The following IMPG1 variants were observed in gnomAD, a reference collection of about 807,000 sequenced individuals.
IMPG1 encodes interphotoreceptor matrix proteoglycan of 150 kDa.
Under a neutral mutation model 92.0 loss-of-function variants are expected in IMPG1, and 85 were observed. That is an observed-to-expected ratio of 0.92 (90% CI 0.78 to 1.11). IMPG1 has a LOEUF of 1.11. Among genes scored for constraint, IMPG1 ranks in the 50% least tolerant of loss-of-function variants. The pLI, the probability that IMPG1 is intolerant of heterozygous loss-of-function variation, is 0.00. For missense variants in IMPG1, 1,022 were observed against 956.0 expected (o/e 1.07, Z -0.91); for synonymous variants, 367 against 334.1 (o/e 1.10, Z -1.08).
At chr6:76,062,704 G>A (rs1165374026) in intron 1 of IMPG1, among the ~76,000 whole-genome samples, 1 of 152,052 alleles carries the variant, frequency 6.6e-6, no homozygotes, top group African/African-American at 2.4e-5. Flanking sequence ...TACACTCATG[G>A]TGGTTAATTG....
chr6:75,977,782 C>T (rs1782563866), intron 12 of IMPG1, among the ~76,000 whole-genome samples: 1 of 152,028 alleles, frequency 6.6e-6, no homozygotes. Flanking sequence ...CTTTTCTAAG[C>T]AGGAACTCTA....
intron 1 of IMPG1, among the ~76,000 whole-genome samples, chr6:76,049,078 C>T (rs1048097932): frequency 2.6e-5 from 4 of 152,136 alleles, no homozygotes; most frequent in Non-Finnish European, 5.9e-5. Flanking sequence ...GGCCATTATC[C>T]TTAGCAAAGC....
chr6:75,997,098 G>A (rs1356877692), intron 12 of IMPG1, among the ~76,000 whole-genome samples: 1 of 152,162 alleles, frequency 6.6e-6, no homozygotes, highest in Non-Finnish European at 1.5e-5. Flanking sequence ...AAAGAACTTT[G>A]ATTCACTTTT....
intron 4 of IMPG1, among the ~76,000 whole-genome samples, chr6:76,028,567 C>A (rs188350209): frequency 4.5e-4 from 68 of 152,338 alleles, no homozygotes; most frequent in Non-Finnish European, 8.8e-4. Context: ...CGGTGGCTCA[C>A]GCCTGTAATC....
intron 8 of IMPG1, 68 bp downstream of exon 8, chr6:76,011,098 A>G (rs553320802): frequency 1.1e-6 from 1 of 870,416 alleles, no homozygotes; most frequent in African/African-American, 1.7e-5. Flanking sequence ...TCCTTATGGC[A>G]TTGTTTTTAC....
intron 4 of IMPG1, among the ~76,000 whole-genome samples, chr6:76,033,457 A>G (rs1410888444): frequency 5.3e-5 from 8 of 152,236 alleles, no homozygotes; most frequent in South Asian, 4.1e-4. Flanking sequence ...ACAAGACTCA[A>G]TGTAATAAAA....
At position 76,034,481 on chromosome 6, in the gene IMPG1, TCTATTGGC is replaced by T. The variant is rs1206311326; in HGVS notation, c.468+132_468+139del. ...CATATTATTTTGCAAGAATAAAATT[TCTATTGGC>T]CTAATCAGATACCTCCAAGCACTTC... is the stretch of plus-strand genomic sequence containing the variant. On this transcript the variant is annotated intron_variant, in intron 3 of 16. Transcript: ENST00000369950. 1.6e-5 allele frequency: 19 copies of T among 1,216,372 alleles called. No individual in the cohort carries two copies. The African/African-American group carries it at 2.4e-4, about 15-fold the overall frequency. 75.3% of individuals were successfully genotyped at this position (1,216,372 alleles called of 1,614,324 possible).
In IMPG1 at chr6:76,042,329, G is replaced by A. The variant is rs115414434; in HGVS notation, c.68-203C>T. 8.7e-3 allele frequency among the ~76,000 whole-genome samples: 1,320 copies of A among 152,154 alleles called. 21 individuals carry two copies. Among genetic ancestry groups the A allele is most frequent in the African/African-American group, 0.03 (1,249 of 41,506 alleles). ...GAATAGTATAATGAGCCGATCAAGC[G>A]TATTTTTAAAAAGCCAATGTCTCAA... On this transcript the variant is annotated intron_variant, in intron 1 of 16. Coordinates refer to ENST00000369950, the MANE Select transcript of IMPG1 (RefSeq NM_001563.4).
intron 12 of IMPG1, among the ~76,000 whole-genome samples, chr6:75,955,469 C>G (rs562291921): frequency 6.6e-6 from 1 of 151,596 alleles, no homozygotes; most frequent in African/African-American, 2.4e-5. Context: ...ATTTTGTATT[C>G]TGAGACTTAT....
At chr6:76,031,619 T>C (rs190920040) in intron 4 of IMPG1, among the ~76,000 whole-genome samples, 5 of 152,382 alleles carry the variant, frequency 3.3e-5, no homozygotes, top group East Asian at 1.9e-4. Flanking sequence ...GGTTTTTATG[T>C]AGACCATATT....
chr6:75,978,827 T>C (rs1782579080), intron 12 of IMPG1, among the ~76,000 whole-genome samples: 1 of 152,254 alleles, frequency 6.6e-6, no homozygotes, highest in Admixed American at 6.5e-5. Flanking sequence ...TTGGTGTACA[T>C]TATACCTAAA....
chr6:76,068,414 A>AAG (rs762987358), intron 1 of IMPG1, among the ~76,000 whole-genome samples: 44 of 152,250 alleles, frequency 2.9e-4, no homozygotes, highest in African/African-American at 9.4e-4. Flanking sequence ...GGAGAGTTAC[A>AAG]GAACACTGCT....
chr6:76,016,692 G>A (rs1783295143), intron 7 of IMPG1, among the ~76,000 whole-genome samples: 1 of 152,210 alleles, frequency 6.6e-6, no homozygotes. Flanking sequence ...GCCATGCTGA[G>A]TAAGATTCGT....
At chr6:75,951,964 T>A (rs148037965) in intron 12 of IMPG1, among the ~76,000 whole-genome samples, 1 of 123,038 alleles carries the variant, frequency 8.1e-6, no homozygotes, top group Non-Finnish European at 1.8e-5. Flanking sequence ...ATAATAATAA[T>A]AAAATACAGT....
At chr6:75,935,693 G>A (rs1215556408) in intron 14 of IMPG1, among the ~76,000 whole-genome samples, 1 of 152,208 alleles carries the variant, frequency 6.6e-6, no homozygotes, top group Non-Finnish European at 1.5e-5. Context: ...GGCACAGCCT[G>A]GGGGCCCGCC....
chr6:76,033,682 G>T (rs563873378), intron 4 of IMPG1, among the ~76,000 whole-genome samples: 1 of 152,164 alleles, frequency 6.6e-6, no homozygotes, highest in Non-Finnish European at 1.5e-5. Context: ...CCAAATTTGC[G>T]TCTCTCTTTG....
chr6:76,041,849 G>A (rs1783847711), intron 2 of IMPG1, 44 bp downstream of exon 2: 1 of 1,265,698 alleles, frequency 7.9e-7, no homozygotes. Flanking sequence ...AAAGGGAAGG[G>A]ATGGAAATAA....
intron 12 of IMPG1, among the ~76,000 whole-genome samples, chr6:75,973,299 C>T (rs994954408): frequency 2.3e-5 from 3 of 130,702 alleles, no homozygotes; most frequent in Non-Finnish European, 3.3e-5. Context: ...CTTTCCCCCC[C>T]GCCCAAAACT....
intron 1 of IMPG1, among the ~76,000 whole-genome samples, chr6:76,069,155 A>G (rs1167036741): frequency 6.6e-6 from 1 of 152,156 alleles, no homozygotes; most frequent in African/African-American, 2.4e-5. Flanking sequence ...GGTACTGGGA[A>G]AATTGGATAG....
Sources: gnomAD v4.1 joint callset for allele counts (sites outside exome capture counted in the v4.1 genomes callset) on GRCh38, gnomAD v4.1.1 for gene constraint, MANE v1.5 for transcripts, NCBI Gene and HGNC (gene_info 2026-07-23, HGNC 2026-07-21) for gene names.